Variants in VIPR1 observed in about 807,000 individuals in gnomAD.
VIPR1 encodes the protein vasoactive intestinal polypeptide receptor 1.
In VIPR1, 59 loss-of-function variants were observed where a neutral mutation model predicts 58.8. That is an observed-to-expected ratio of 1.00 (90% confidence interval 0.81 to 1.25). The LOEUF (loss-of-function observed/expected upper bound fraction) is 1.25, where lower values mean the gene tolerates loss of function less well. VIPR1 is among the 50% of genes most tolerant of loss of function. VIPR1 has a pLI of 0.00. For synonymous variants in VIPR1, 251 were observed against 242.1 expected (o/e 1.04, Z -0.34); for missense variants, 626 against 602.7 (o/e 1.04, Z -0.40).
chr3:42,528,145 C>G, intron 6 of VIPR1, 22 bp downstream of exon 6: 3 of 1,610,222 alleles, frequency 1.9e-6, no homozygotes, highest in Non-Finnish European at 1.7e-6. Context: ...GGCCCTGGCC[C>G]ACCTCCCTCA....
In VIPR1 at chr3:42,502,818, G is replaced by A; in HGVS notation, c.78+5G>A. On this transcript the variant is annotated splice_donor_5th_base_variant and intron_variant, in intron 1 of 12. Coordinates refer to ENST00000325123, the MANE Select transcript of VIPR1 (RefSeq NM_004624.4). ...GCCTGGGCCCTTGGGCCGGCGGTGA[G>A]TGTTCGCCCGGCCGCCCAGAGTCCC... 2.4e-6 allele frequency: 3 copies of A among 1,258,568 alleles called. No individual in the cohort carries two copies. The highest frequency in any genetic ancestry group is 3.0e-6 in the Non-Finnish European group (3 of 1,001,850). The allele number at this position is 1,258,568 out of a possible 1,614,324, so 78.0% of individuals were successfully genotyped here.
chr3:42,536,051 C>A (rs1447824369), intron 12 of VIPR1, 39 bp from the exon 13 acceptor site: 3 of 1,545,414 alleles, frequency 1.9e-6, no homozygotes, highest in Non-Finnish European at 8.7e-7. Flanking sequence ...GTGGAAGAGG[C>A]TCCACAGCAG....
chr3:42,505,651 C>A (rs1263173873), intron 1 of VIPR1, among the ~76,000 whole-genome samples: 1 of 152,246 alleles, frequency 6.6e-6, no homozygotes, highest in African/African-American at 2.4e-5. Context: ...AAGTTTCTAC[C>A]CTCCTGTCCT....
rs774210128 is a variant in VIPR1 at position 42,531,451 on chromosome 3, A to G, written c.791-20A>G. ...CTTCCTGTGCCCTCTCTGCTCTTTC[A>G]CTCTCCCTGGGCCTGACAGGGGTAC... On this transcript the variant is annotated intron_variant, in intron 7 of 12. Coordinates refer to ENST00000325123, the MANE Select transcript of VIPR1 (RefSeq NM_004624.4). The G allele has an allele frequency of 6.4e-7, 1 of 1,562,452 alleles. No homozygotes were observed. The highest frequency in any genetic ancestry group is 8.7e-7 in the Non-Finnish European group (1 of 1,152,994).
chr3:42,517,018 G>A (rs1282027260), intron 2 of VIPR1, among the ~76,000 whole-genome samples: 1 of 152,238 alleles, frequency 6.6e-6, no homozygotes, highest in Non-Finnish European at 1.5e-5. Flanking sequence ...GAATGGAAGA[G>A]GGACTGACAG....
At chr3:42,514,642 C>G (rs1182376329) in intron 2 of VIPR1, among the ~76,000 whole-genome samples, 1 of 151,900 alleles carries the variant, frequency 6.6e-6, no homozygotes, top group Admixed American at 6.6e-5. Context: ...CCCAACCCAC[C>G]CTTAGTGGCC....
chr3:42,526,943 C>T (rs1701264236), intron 4 of VIPR1, among the ~76,000 whole-genome samples: 2 of 152,174 alleles, frequency 1.3e-5, no homozygotes, highest in Admixed American at 6.5e-5. Flanking sequence ...TCTTCTTCGA[C>T]ATCCCGCAAC....
At chr3:42,520,546 G>A (rs77418618) in intron 3 of VIPR1, among the ~76,000 whole-genome samples, 4,669 of 152,070 alleles carry the variant, frequency 0.031, 167 homozygotes, top group African/African-American at 0.09. Context: ...TGAGTGAGGC[G>A]AGGGAGGAAT....
intron 3 of VIPR1, among the ~76,000 whole-genome samples, chr3:42,520,881 C>A (rs1335102404): frequency 1.3e-5 from 2 of 152,076 alleles, no homozygotes; most frequent in Non-Finnish European, 2.9e-5. Context: ...CCTGAGGAGT[C>A]TGGGAGGGTC....
intron 3 of VIPR1, among the ~76,000 whole-genome samples, chr3:42,520,191 A>G (rs1274769526): frequency 6.6e-6 from 1 of 152,204 alleles, no homozygotes; most frequent in Non-Finnish European, 1.5e-5. Context: ...CAAGCATCCA[A>G]GGAAGTTCCG....
At position 42,535,125 on chromosome 3, in the gene VIPR1, G is replaced by C. The variant is rs770467770; in HGVS notation, c.1140+21G>C. ...TCCAGGTATGGGCTGTTGACTTAAG[G>C]CTGCATTCTTCCCTGGCTTTTAAGG... On this transcript the variant is annotated intron_variant, in intron 11 of 12. Coordinates refer to ENST00000325123, the MANE Select transcript of VIPR1 (RefSeq NM_004624.4). 5.5e-5 allele frequency: 89 copies of C among 1,614,108 alleles called. 5 individuals are homozygous for C. In the Middle Eastern group the frequency reaches 0.012, roughly 218 times the overall value.
chr3:42,516,277 A>T (rs1303565159), intron 2 of VIPR1, among the ~76,000 whole-genome samples: 3 of 152,154 alleles, frequency 2.0e-5, no homozygotes, highest in Non-Finnish European at 4.4e-5. Flanking sequence ...GGGCCTCATT[A>T]GGGCAGGCAC....
In VIPR1 at chr3:42,527,995, C is replaced by T; in HGVS notation, c.508C>T (p.Leu170Phe). 6.2e-7 allele frequency: 1 copy of T among 1,613,828 alleles called. No individual in the cohort carries two copies. Among genetic ancestry groups the T allele is most frequent in the Non-Finnish European group, 8.5e-7 (1 of 1,179,830 alleles). Residue 170 changes from leucine (L) to phenylalanine (F), a missense_variant, in exon 6 of 13, where the codon CTC (leucine) becomes TTC (phenylalanine). Transcript: ENST00000325123. Reference protein sequence around the residue: ...ATAILSLFRKLHCTRNYIHMH... With the variant: ...ATAILSLFRKFHCTRNYIHMH... ...AGATCTGCCCACCCCACACAGGAAG[C>T]TCCACTGCACGCGGAACTACATCCA...
upstream of VIPR1, chr3:42,502,290 TGAG>T: frequency 6.5e-6 from 1 of 153,418 alleles, no homozygotes; most frequent in Non-Finnish European, 1.4e-5. Flanking sequence ...AGGGTAGACA[TGAG>T]GAGCGCCCTG....
In VIPR1 at chr3:42,536,976, C is replaced by G. The variant is rs1221549917; in HGVS notation, c.*695C>G. 6.6e-6 allele frequency: 1 copy of G among 152,188 alleles called. No homozygotes were observed. 9.4% of individuals were successfully genotyped at this position (152,188 alleles called of 1,614,324 possible). ...CAAGGACTGAGGGACTCTGAAGCCT[C>G]TGGGAAATGAGAAGGCAGCCACCAG... is the stretch of plus-strand genomic sequence containing the variant. On this transcript the variant is annotated 3_prime_UTR_variant, in exon 13 of 13. Coordinates refer to ENST00000325123, the MANE Select transcript of VIPR1 (RefSeq NM_004624.4).
chr3:42,503,435 G>C (rs967215800), intron 1 of VIPR1, among the ~76,000 whole-genome samples: 6 of 152,166 alleles, frequency 3.9e-5, no homozygotes, highest in African/African-American at 1.4e-4. Context: ...GAGGGGCCAG[G>C]CCTGTACATG....
rs761753235 is a variant in VIPR1, at chr3:42,527,455, C to T, written c.462C>T (p.Leu154=). 1.5e-5 allele frequency: 24 copies of T among 1,613,914 alleles called. No individual in the cohort carries two copies. The Admixed American group carries it at 1.8e-4, about 12-fold the overall frequency. ...TGYTIGYGLS[L]ATLLVATAIL... ...ACACCATTGGCTACGGCCTGTCCCTCGCCACCCTTCTGGTCGCCACAGCTA... is the reference window on the plus strand; with the variant it reads ...ACACCATTGGCTACGGCCTGTCCCTTGCCACCCTTCTGGTCGCCACAGCTA... Residue 154 remains leucine, a synonymous_variant, in exon 5 of 13, where the codon CTC becomes CTT. Coordinates refer to ENST00000325123, the MANE Select transcript of VIPR1 (RefSeq NM_004624.4).
intron 6 of VIPR1, among the ~76,000 whole-genome samples, chr3:42,529,071 T>G (rs989273029): frequency 6.6e-6 from 1 of 152,174 alleles, no homozygotes; most frequent in African/African-American, 2.4e-5. Context: ...GTGCACATGT[T>G]ACGGATAATT....
chr3:42,519,558 A>C (rs1426628807), intron 3 of VIPR1: 5 of 436,790 alleles, frequency 1.1e-5, no homozygotes, highest in Non-Finnish European at 1.6e-5. Context: ...ATATTTGCTC[A>C]ACAATTGATA....
Sources: allele counts gnomAD v4.1 joint callset (sites outside exome capture counted in the v4.1 genomes callset), GRCh38; gene constraint gnomAD v4.1.1; transcripts MANE v1.5; gene names NCBI Gene and HGNC (gene_info 2026-07-23, HGNC 2026-07-21).